C8orf34: variants seen among roughly 807,000 people sequenced by gnomAD.
C8orf34 encodes chromosome 8 open reading frame 34.
In C8orf34, 65 loss-of-function variants were observed where a neutral mutation model predicts 68.3. The ratio of observed to expected loss-of-function variants is 0.95; its 90% CI spans 0.78 to 1.17. The LOEUF (loss-of-function observed/expected upper bound fraction) is 1.17. Among genes scored for constraint, C8orf34 ranks in the 50% most tolerant of loss-of-function variants. C8orf34 has a pLI of 0.00. For missense variants in C8orf34, 664 were observed against 655.4 expected, an observed-to-expected ratio of 1.01 and a Z score of -0.14; for synonymous variants, 244 against 241.2, an observed-to-expected ratio of 1.01 and a Z score of -0.11.
intron 12 of C8orf34, among the ~76,000 whole-genome samples, chr8:68,790,157 A>T (rs527323607): frequency 9.2e-5 from 14 of 152,328 alleles, no homozygotes; most frequent in Non-Finnish European, 1.5e-4. Context: ...GGAGCCACTG[A>T]AGCATTGGTA....
At chr8:68,806,370 T>C (rs1824484872) in intron 12 of C8orf34, among the ~76,000 whole-genome samples, 1 of 152,172 alleles carries the variant, frequency 6.6e-6, no homozygotes, top group Non-Finnish European at 1.5e-5. Flanking sequence ...TGAATTATCT[T>C]TGCCTGAAAT....
At chr8:68,631,746 G>T (rs1044794788) in intron 7 of C8orf34, among the ~76,000 whole-genome samples, 2 of 152,098 alleles carry the variant, frequency 1.3e-5, no homozygotes, top group African/African-American at 4.8e-5. Context: ...GTTCTCTGGA[G>T]ATCTGATGGT....
At chr8:68,561,577 T>C (rs1816429193) in intron 7 of C8orf34, among the ~76,000 whole-genome samples, 1 of 151,936 alleles carries the variant, frequency 6.6e-6, no homozygotes, top group African/African-American at 2.4e-5. Flanking sequence ...GCCAACATGG[T>C]GGAATCCTGT....
intron 10 of C8orf34, among the ~76,000 whole-genome samples, chr8:68,765,798 TAAA>T (rs1209174749): frequency 6.6e-6 from 1 of 152,178 alleles, no homozygotes; most frequent in African/African-American, 2.4e-5. Context: ...TGTAATTAAT[TAAA>T]AAATAGAAAT....
chr8:68,759,362 G>A (rs1822961859), intron 10 of C8orf34, among the ~76,000 whole-genome samples: 1 of 152,122 alleles, frequency 6.6e-6, no homozygotes, highest in African/African-American at 2.4e-5. Context: ...AACAGTAGAG[G>A]ATCTAGTCTT....
chr8:68,803,017 T>C (rs1246756914), intron 12 of C8orf34, among the ~76,000 whole-genome samples: 2 of 152,000 alleles, frequency 1.3e-5, no homozygotes, highest in African/African-American at 2.4e-5. Flanking sequence ...ATTAATAATT[T>C]AAAAACCTCA....
At chr8:68,518,823 G>A (rs999706802) in intron 5 of C8orf34, among the ~76,000 whole-genome samples, 2 of 150,770 alleles carry the variant, frequency 1.3e-5, no homozygotes, top group Admixed American at 1.3e-4. Context: ...GAACCCAGGA[G>A]GTGGAGGTTG....
intron 10 of C8orf34, among the ~76,000 whole-genome samples, chr8:68,752,715 G>A (rs189332327): frequency 6.6e-6 from 1 of 152,256 alleles, no homozygotes; most frequent in Admixed American, 6.5e-5. Flanking sequence ...TCCTTCGAGA[G>A]TTTTCCATAG....
chr8:68,372,263 G>A (rs948777891), intron 1 of C8orf34, among the ~76,000 whole-genome samples: 3 of 152,130 alleles, frequency 2.0e-5, no homozygotes, highest in Middle Eastern at 3.2e-3. Flanking sequence ...TTGGAAGACT[G>A]AAAAAGCAAA....
chr8:68,462,861 C>T (rs1273020454), intron 3 of C8orf34, among the ~76,000 whole-genome samples: 1 of 152,018 alleles, frequency 6.6e-6, no homozygotes, highest in Non-Finnish European at 1.5e-5. Context: ...AATTGACACC[C>T]TAACATCACA....
At position 68,759,364 on chromosome 8, in the gene C8orf34, T is replaced by G. The variant is rs574856067; in HGVS notation, c.1405-17035T>G. Among the ~76,000 whole-genome samples the G allele has an allele frequency of 5.1e-4, 78 of 152,328 alleles. 1 individual carries two copies. The highest frequency in any genetic ancestry group is 1.1e-3 in the Non-Finnish European group (75 of 68,026). ...TTCAAATAAAAACAACAGTAGAGGA[T>G]CTAGTCTTTCTTTATGCTGAAGGAT... On this transcript the variant is annotated intron_variant, in intron 10 of 13. Transcript: ENST00000518698.
chr8:68,416,733 G>A (rs1266741664), intron 1 of C8orf34, among the ~76,000 whole-genome samples: 3 of 151,936 alleles, frequency 2.0e-5, no homozygotes, highest in Admixed American at 2.0e-4. Context: ...GTTTCACCAT[G>A]TTGGCCAGGC....
chr8:68,459,387 G>A (rs535344762), intron 3 of C8orf34, among the ~76,000 whole-genome samples: 86 of 152,074 alleles, frequency 5.7e-4, no homozygotes, highest in African/African-American at 1.9e-3. Context: ...GTGCCACCAC[G>A]TCCAGCTAAT....
intron 8 of C8orf34, among the ~76,000 whole-genome samples, chr8:68,690,630 C>T (rs967384699): frequency 4.0e-5 from 6 of 151,876 alleles, no homozygotes; most frequent in African/African-American, 7.2e-5. Flanking sequence ...GAGAGCTCTG[C>T]CCTCATGACA....
At chr8:68,500,265 A>C (rs574894674) in intron 5 of C8orf34, among the ~76,000 whole-genome samples, 1 of 152,212 alleles carries the variant, frequency 6.6e-6, no homozygotes, top group Non-Finnish European at 1.5e-5. Flanking sequence ...ATATAATCAT[A>C]AGGAAACATT....
At chr8:68,719,114 A>G (rs1157673688) in intron 9 of C8orf34, among the ~76,000 whole-genome samples, 1 of 152,180 alleles carries the variant, frequency 6.6e-6, no homozygotes, top group Admixed American at 6.5e-5. Context: ...ACACATAAAC[A>G]ATGGCATTTA....
At chr8:68,548,188 T>TAAACTTCATTAAATGACA in intron 7 of C8orf34, among the ~76,000 whole-genome samples, 1 of 151,542 alleles carries the variant, frequency 6.6e-6, no homozygotes, top group African/African-American at 2.4e-5. Context: ...ATGGATAAAT[T>TAAACTTCATTAAATGACA]AAACTTCATT....
At chr8:68,797,925 C>A (rs975367914) in intron 12 of C8orf34, among the ~76,000 whole-genome samples, 6 of 151,990 alleles carry the variant, frequency 3.9e-5, no homozygotes, top group Admixed American at 1.3e-4. Flanking sequence ...GGGTATCTCA[C>A]ACAACACAAA....
intron 7 of C8orf34, among the ~76,000 whole-genome samples, chr8:68,616,105 T>A (rs528854155): frequency 6.6e-6 from 1 of 151,456 alleles, no homozygotes; most frequent in South Asian, 2.1e-4. Flanking sequence ...TCTCTGATGG[T>A]AGTTTGTATT....
Sources: gnomAD v4.1 joint callset for allele counts (sites outside exome capture counted in the v4.1 genomes callset) on GRCh38, gnomAD v4.1.1 for gene constraint, MANE v1.5 for transcripts, NCBI Gene and HGNC (gene_info 2026-07-23, HGNC 2026-07-21) for gene names.